The following PDE4D variants were observed in gnomAD, a reference collection of about 807,000 sequenced individuals.
The protein encoded by PDE4D is 3',5'-cyclic-AMP phosphodiesterase 4D.
A neutral mutation model predicts 87.4 loss-of-function variants in PDE4D; 24 were observed. The observed-to-expected ratio is 0.27, with a 90% confidence interval of 0.20 to 0.39. The LOEUF (loss-of-function observed/expected upper bound fraction) is 0.39. Ranked by LOEUF, PDE4D falls within the 10% of genes least tolerant of loss-of-function variation. The pLI is 1.00. For missense variants in PDE4D, 714 were observed against 1,041.0 expected (o/e 0.69, Z 4.32); for synonymous variants, 384 against 383.2 (o/e 1.00, Z -0.02).
chr5:60,145,034 A>T (rs1367656923), intron 2 of PDE4D, among the ~76,000 whole-genome samples: 1 of 152,212 alleles, frequency 6.6e-6, no homozygotes, highest in Admixed American at 6.5e-5. Flanking sequence ...TAAATAATGG[A>T]CTTGTATCTG....
chr5:60,244,279 A>C (rs1252502494), intron 1 of PDE4D, among the ~76,000 whole-genome samples: 2 of 151,984 alleles, frequency 1.3e-5, no homozygotes, highest in Non-Finnish European at 2.9e-5. Context: ...ACTATAAAAC[A>C]CTGGTGCAAG....
intron 1 of PDE4D, among the ~76,000 whole-genome samples, chr5:59,438,592 G>A (rs544353343): frequency 5.3e-5 from 8 of 152,252 alleles, no homozygotes; most frequent in South Asian, 2.1e-4. Flanking sequence ...TGATTAAATA[G>A]TGCCTCCTTT....
rs139456385 is a variant in PDE4D, at chr5:58,978,419, A to G, written c.1553-1074T>C. 9.9e-5 allele frequency among the ~76,000 whole-genome samples: 15 copies of G among 151,334 alleles called. No individual in the cohort carries two copies. The East Asian group carries it at 2.9e-3, about 29-fold the overall frequency. On this transcript the variant is annotated intron_variant, in intron 11 of 14. Transcript: ENST00000340635. Reference sequence around the variant, plus strand: ...CAACAGAGCAAGACTCTGTTTCAAAAAGAAAAGAAAAGAAAAGAAAAAGGT... The same window carrying G: ...CAACAGAGCAAGACTCTGTTTCAAAGAGAAAAGAAAAGAAAAGAAAAAGGT...
chr5:59,756,695 C>G (rs749374192), intron 1 of PDE4D, among the ~76,000 whole-genome samples: 7 of 151,950 alleles, frequency 4.6e-5, no homozygotes, highest in Admixed American at 2.0e-4. Flanking sequence ...GACACAGCAA[C>G]AGAAGGTATG....
At chr5:59,014,547 C>T (rs1753571263) in intron 6 of PDE4D, among the ~76,000 whole-genome samples, 1 of 152,244 alleles carries the variant, frequency 6.6e-6, no homozygotes, top group African/African-American at 2.4e-5. Flanking sequence ...TTCACAATTA[C>T]TTCAAAGAGA....
intron 6 of PDE4D, among the ~76,000 whole-genome samples, chr5:59,000,940 C>T (rs1750408493): frequency 1.3e-5 from 2 of 152,152 alleles, no homozygotes; most frequent in Non-Finnish European, 2.9e-5. Context: ...CTGCCCACCT[C>T]AGCCTCCCAA....
intron 1 of PDE4D, among the ~76,000 whole-genome samples, chr5:59,832,119 T>C (rs1287151578): frequency 1.3e-5 from 2 of 152,098 alleles, no homozygotes; most frequent in African/African-American, 4.8e-5. Context: ...CAAGGAAAAG[T>C]GCGGGATCGA....
At chr5:59,536,537 T>G (rs1222510926) in intron 1 of PDE4D, among the ~76,000 whole-genome samples, 1 of 111,850 alleles carries the variant, frequency 8.9e-6, no homozygotes, top group African/African-American at 4.3e-5. Context: ...AAAAAAAAAA[T>G]TACCTTTTGG....
Position 60,450,805 on chromosome 5 carries a change from C to G in PDE4D, c.-90+37137G>C, listed in dbSNP as rs529150071. On this transcript the variant is annotated intron_variant, in intron 1 of 16. Transcript: ENST00000502484. ...TTCAACTGCAGAAAATAGGATGAAC[C>G]AATGATTTGACTACAAATATATAAA... Among the ~76,000 whole-genome samples, 7 of 152,000 alleles carry G rather than the reference C, an allele frequency of 4.6e-5. No homozygotes were observed. The East Asian group carries it at 1.2e-3, about 25-fold the overall frequency.
chr5:59,886,891 G>C (rs925069619), intron 1 of PDE4D, among the ~76,000 whole-genome samples: 2 of 151,660 alleles, frequency 1.3e-5, no homozygotes, highest in Non-Finnish European at 2.9e-5. Context: ...TTAAGATTTA[G>C]AAGATGGTGG....
intron 1 of PDE4D, among the ~76,000 whole-genome samples, chr5:59,714,148 C>G (rs1224301752): frequency 6.6e-6 from 1 of 152,134 alleles, no homozygotes; most frequent in East Asian, 1.9e-4. Flanking sequence ...AAAAGGGGGC[C>G]CCAACAAGTG....
chr5:59,442,839 A>G (rs1797843237), intron 1 of PDE4D, among the ~76,000 whole-genome samples: 1 of 152,204 alleles, frequency 6.6e-6, no homozygotes, highest in South Asian at 2.1e-4. Context: ...GGAAAAGCCC[A>G]AGCTAAGAGT....
intron 1 of PDE4D, among the ~76,000 whole-genome samples, chr5:59,574,632 C>T (rs1349055280): frequency 1.3e-5 from 2 of 152,212 alleles, no homozygotes; most frequent in African/African-American, 2.4e-5. Context: ...ATGAAACCCT[C>T]GAATGCTTTA....
At chr5:60,228,478 C>T (rs1038214298) in intron 1 of PDE4D, among the ~76,000 whole-genome samples, 1 of 150,222 alleles carries the variant, frequency 6.7e-6, no homozygotes, top group Non-Finnish European at 1.5e-5. Context: ...AATAAATGAT[C>T]ATGCAGGAGA....
In PDE4D at chr5:59,914,363, C is replaced by A. The variant is rs182134326; in HGVS notation, c.272+74125G>T. Among the ~76,000 whole-genome samples the A allele has an allele frequency of 2.1e-3, 319 of 152,138 alleles. 5 individuals are homozygous for A. The highest frequency in any genetic ancestry group is 6.6e-4 in the Non-Finnish European group (45 of 68,012). On this transcript the variant is annotated intron_variant, in intron 3 of 16. Transcript: ENST00000502484. ...TTTTACAAGATGTGGTCAGGAAAGT[C>A]CTCTCTGTTGAGGTGATTTTTGAGC... is the stretch of plus-strand genomic sequence containing the variant.
intron 2 of PDE4D, among the ~76,000 whole-genome samples, chr5:59,203,884 T>G (rs193282821): frequency 6.6e-6 from 1 of 152,232 alleles, no homozygotes; most frequent in Admixed American, 6.5e-5. Flanking sequence ...TGGGAGATGT[T>G]GGTGAAAGGG....
intron 5 of PDE4D, among the ~76,000 whole-genome samples, chr5:59,112,803 C>CTTTT (rs70973195): frequency 7.9e-6 from 1 of 127,244 alleles, no homozygotes; most frequent in African/African-American, 3.0e-5. Context: ...CTTTTTCTTT[C>CTTTT]TTTTTTTTTT....
chr5:60,224,205 C>G (rs923199589), intron 1 of PDE4D, among the ~76,000 whole-genome samples: 1 of 151,984 alleles, frequency 6.6e-6, no homozygotes, highest in Non-Finnish European at 1.5e-5. Context: ...AGCATTGTTC[C>G]CAAGTGTTCC....
intron 1 of PDE4D, among the ~76,000 whole-genome samples, chr5:59,742,834 C>G (rs910410469): frequency 6.6e-6 from 1 of 152,122 alleles, no homozygotes; most frequent in East Asian, 1.9e-4. Context: ...TTTATATTTA[C>G]TCTTCCCCCA....
Sources: allele counts gnomAD v4.1 joint callset (sites outside exome capture counted in the v4.1 genomes callset), GRCh38; gene constraint gnomAD v4.1.1; transcripts MANE v1.5; gene names NCBI Gene and HGNC (gene_info 2026-07-23, HGNC 2026-07-21).